Variants in OTOGL observed in about 807,000 individuals in gnomAD.
OTOGL encodes otogelin-like protein.
Under a neutral mutation model 318.5 loss-of-function variants are expected in OTOGL, and 285 were observed. The observed-to-expected ratio is 0.89, with a 90% CI of 0.81 to 0.99. OTOGL has a LOEUF of 0.99. Ranked by LOEUF, OTOGL falls within the 50% of genes least tolerant of loss-of-function variation. The probability of loss-of-function intolerance (pLI) is 0.00; values close to 1 mark genes in which losing one functional copy is unlikely to be tolerated. For missense variants in OTOGL, 2,899 were observed against 2,845.6 expected (o/e 1.02, Z -0.43); for synonymous variants, 987 against 936.5 (o/e 1.05, Z -0.99).
At chr12:80,357,408 A>ATTT (rs58769066) in intron 49 of OTOGL, among the ~76,000 whole-genome samples, 1 of 151,114 alleles carries the variant, frequency 6.6e-6, no homozygotes, top group African/African-American at 2.4e-5. Context: ...GAATTCTCTA[A>ATTT]TTTTTTTTTT....
At chr12:80,323,572 C>T (rs1011525738) in intron 34 of OTOGL, 151 bp from the exon 35 acceptor site, 1 of 600,574 alleles carries the variant, frequency 1.7e-6, no homozygotes, top group Non-Finnish European at 2.9e-6. Flanking sequence ...TCACTTGAAC[C>T]CAGGAGGCAG....
chr12:80,358,800 T>C, intron 51 of OTOGL, 25 bp downstream of exon 51: 3 of 1,574,298 alleles, frequency 1.9e-6, no homozygotes, highest in Non-Finnish European at 2.6e-6. Flanking sequence ...TATTTTAAGG[T>C]TTCATTATAA....
intron 1 of OTOGL, among the ~76,000 whole-genome samples, chr12:80,193,669 T>G (rs982267255): frequency 5.3e-5 from 8 of 152,140 alleles, no homozygotes; most frequent in Non-Finnish European, 1.2e-4. Flanking sequence ...CCAAGTGAGA[T>G]TCACTGAGTT....
At chr12:80,215,727 G>T (rs1877654096) in intron 4 of OTOGL, among the ~76,000 whole-genome samples, 1 of 152,158 alleles carries the variant, frequency 6.6e-6, no homozygotes, top group Admixed American at 6.5e-5. Context: ...AAATCATTTT[G>T]GAGCCAAAGG....
chr12:80,205,332 A>T (rs1876738221), intron 1 of OTOGL, among the ~76,000 whole-genome samples: 1 of 152,204 alleles, frequency 6.6e-6, no homozygotes, highest in Admixed American at 6.5e-5. Context: ...TATCAATTAG[A>T]TATTACAAAT....
At chr12:80,260,416 G>A (rs1194547102) in intron 18 of OTOGL, among the ~76,000 whole-genome samples, 1 of 152,076 alleles carries the variant, frequency 6.6e-6, no homozygotes, top group Non-Finnish European at 1.5e-5. Flanking sequence ...AGCAGTCAAT[G>A]TTTAAGAGTC....
At chr12:80,325,433 A>G (rs1592709807) in intron 35 of OTOGL, among the ~76,000 whole-genome samples, 1 of 152,212 alleles carries the variant, frequency 6.6e-6, no homozygotes, top group Non-Finnish European at 1.5e-5. Context: ...GTGCTGTAAA[A>G]TGGTTAATCT....
chr12:80,166,878 G>C (rs1347892801), intron 1 of OTOGL, among the ~76,000 whole-genome samples: 1 of 152,132 alleles, frequency 6.6e-6, no homozygotes, highest in Non-Finnish European at 1.5e-5. Flanking sequence ...AACAGAGTCA[G>C]AGGGCAGAAA....
Position 80,296,858 on chromosome 12 carries a change from C to A in OTOGL, c.2960C>A (p.Ala987Asp). 6.6e-7 allele frequency: 1 copy of A among 1,524,810 alleles called. No homozygotes were observed. Among genetic ancestry groups the A allele is most frequent in the Non-Finnish European group, 8.8e-7 (1 of 1,136,882 alleles). 94.5% of individuals were successfully genotyped at this position (1,524,810 alleles called of 1,614,324 possible). A position where few individuals can be genotyped will look rare whatever the true frequency, so the allele number is the denominator to read the frequency against. The change falls in exon 27 of 59, where the codon GCC becomes GAC. Residue 987 changes from alanine to aspartate, a missense_variant. Transcript: ENST00000547103. ...SADDSDISVI[A>D]QNKKCFDNDI... ...GATGATTCAGATATATCTGTCATTG[C>A]CCAGAACAAGAAATGCTTTGACAAC...
At position 80,266,770 on chromosome 12, in the gene OTOGL, A is replaced by G. The variant is rs180831232; in HGVS notation, c.2390+154A>G. On this transcript the variant is annotated intron_variant, in intron 21 of 58. Coordinates refer to ENST00000547103, the MANE Select transcript of OTOGL (RefSeq NM_001378609.3). ...CCTGCAAATGTTCATCAACAGTTACAGAAATAGCTAAGGAATCTCTGATGG... is the reference window on the plus strand; with the variant it reads ...CCTGCAAATGTTCATCAACAGTTACGGAAATAGCTAAGGAATCTCTGATGG... 6.3e-3 allele frequency among the ~76,000 whole-genome samples: 956 copies of G among 152,208 alleles called. 10 individuals are homozygous for G. The highest frequency in any genetic ancestry group is 9.1e-3 in the Non-Finnish European group (617 of 68,010).
At chr12:80,347,271 A>G (rs575005603) in intron 44 of OTOGL, among the ~76,000 whole-genome samples, 15 of 152,052 alleles carry the variant, frequency 9.9e-5, no homozygotes, top group African/African-American at 3.6e-4. Flanking sequence ...TACATTGGGT[A>G]TTTCTCCTAA....
intron 1 of OTOGL, among the ~76,000 whole-genome samples, chr12:80,144,674 A>G (rs1370134176): frequency 6.6e-6 from 1 of 151,926 alleles, no homozygotes; most frequent in African/African-American, 2.4e-5. Context: ...TCCCACCAAC[A>G]GTGTAAAAGT....
rs572211523 is a variant in OTOGL, at chr12:80,197,175, G to C, written c.-19-12238G>C. ...ATAACTTGGTAGCCCGCCATTTCAA[G>C]TTGTCCCACCTTTCTGGACTGCACC... On this transcript the variant is annotated intron_variant, in intron 1 of 58. Transcript: ENST00000547103. Among the ~76,000 whole-genome samples, 15 of 152,270 alleles carry C rather than the reference G, an allele frequency of 9.9e-5. No individual in the cohort carries two copies. In the South Asian group the frequency reaches 3.1e-3, roughly 32 times the overall value.
chr12:80,105,159 AC>A (rs1287554668), intron 1 of OTOGL, among the ~76,000 whole-genome samples: 3 of 152,334 alleles, frequency 2.0e-5, no homozygotes, highest in Admixed American at 1.3e-4. Context: ...AGAAAAAAAA[AC>A]ATGACTAAAT....
Position 80,356,425 on chromosome 12 carries a change from C to T in OTOGL, c.5816C>T (p.Thr1939Met), listed in dbSNP as rs371201947. 117 of 1,608,572 alleles carry T rather than the reference C, an allele frequency of 7.3e-5. No individual in the cohort carries two copies. The Admixed American group carries it at 8.4e-4, about 12-fold the overall frequency. The change falls in exon 48 of 59, where the codon ACG becomes ATG. Residue 1939 changes from threonine to methionine, a missense_variant. This residue lies in a region of OTOGL where 2,607 missense variants were observed against 2,524.9 expected (regional missense o/e 1.03). Transcript: ENST00000547103. ...CCSKEVCGCD[T>M]TLCETSIPTC... ...TTTTTCTTATTTATAGGATGTGACA[C>T]GACTTTGTGTGAAACTAGCATTCCA...
At chr12:80,249,343 G>A (rs923002752) in intron 11 of OTOGL, among the ~76,000 whole-genome samples, 2 of 151,508 alleles carry the variant, frequency 1.3e-5, no homozygotes, top group African/African-American at 4.9e-5. Flanking sequence ...ATGGGTTTTC[G>A]GTGTGGATGT....
chr12:80,251,975 A>G, intron 12 of OTOGL, 101 bp from the exon 13 acceptor site: 1 of 1,341,934 alleles, frequency 7.5e-7, no homozygotes, highest in Non-Finnish European at 9.8e-7. Context: ...ATTAAAAGTT[A>G]TTTTTTGCAA....
At chr12:80,257,720 T>G (rs1244941472) in intron 17 of OTOGL, 105 bp from the exon 18 acceptor site, 6 of 1,133,184 alleles carry the variant, frequency 5.3e-6, no homozygotes, top group Non-Finnish European at 6.0e-6. Flanking sequence ...CTGCCTCTCC[T>G]CCTTCCCTGG....
chr12:80,103,979 A>G (rs914234986), intron 1 of OTOGL, among the ~76,000 whole-genome samples: 7 of 152,236 alleles, frequency 4.6e-5, no homozygotes. Flanking sequence ...CATACAGAAA[A>G]TAACTTGATC....
Sources: allele counts gnomAD v4.1 joint callset (sites outside exome capture counted in the v4.1 genomes callset), GRCh38; gene constraint gnomAD v4.1.1; regional missense constraint gnomAD v4.1.1; transcripts MANE v1.5; gene names NCBI Gene and HGNC (gene_info 2026-07-23, HGNC 2026-07-21).